Variants in MBIP observed in about 807,000 individuals in gnomAD.
MBIP encodes MAP3K12-binding inhibitory protein 1.
MBIP carries 32 observed loss-of-function variants against 45.7 expected under a neutral mutation model. The observed-to-expected ratio is 0.70, with a 90% CI of 0.53 to 0.94. The LOEUF (loss-of-function observed/expected upper bound fraction) is 0.94. MBIP is among the 40% of genes least tolerant of loss of function. The pLI is 0.00. For synonymous variants in MBIP, 145 were observed against 141.0 expected (o/e 1.03, Z -0.20); for missense variants, 381 against 405.5 (o/e 0.94, Z 0.52).
At position 36,298,859 on chromosome 14, in the gene MBIP, A is replaced by C. The variant is rs994841073; in HGVS notation, c.*224T>G. 5.3e-6 allele frequency: 2 copies of C among 378,260 alleles called. No homozygotes were observed. Among genetic ancestry groups the C allele is most frequent in the Non-Finnish European group, 9.5e-6 (2 of 210,676 alleles). 23.4% of individuals were successfully genotyped at this position (378,260 alleles called of 1,614,324 possible). A position where few individuals can be genotyped will look rare whatever the true frequency, so the allele number is the denominator to read the frequency against. ...CAATTTCCAAAATACCTCCTTTAAA[A>C]CAGAAGGGAATAAATTCCAACAATG... On this transcript the variant is annotated 3_prime_UTR_variant, in exon 9 of 9. Coordinates refer to ENST00000416007, the MANE Select transcript of MBIP (RefSeq NM_016586.3).
intron 7 of MBIP, among the ~76,000 whole-genome samples, chr14:36,307,551 A>G (rs551897645): frequency 1.3e-5 from 2 of 152,342 alleles, no homozygotes; most frequent in South Asian, 4.1e-4. Context: ...ACTGTTTCTT[A>G]AGGTTCTTGG....
intron 6 of MBIP, 103 bp from the exon 7 acceptor site, chr14:36,308,292 G>A: frequency 1.6e-6 from 1 of 623,190 alleles, no homozygotes; most frequent in Non-Finnish European, 2.8e-6. Context: ...CAAAGGAATG[G>A]AAAATACTTA....
At chr14:36,318,529 T>C (rs1880706485) in intron 1 of MBIP, among the ~76,000 whole-genome samples, 1 of 151,994 alleles carries the variant, frequency 6.6e-6, no homozygotes, top group African/African-American at 2.4e-5. Context: ...AAAATCTCTA[T>C]TAGTCTGCTA....
intron 7 of MBIP, among the ~76,000 whole-genome samples, chr14:36,301,997 T>C (rs1443155117): frequency 6.6e-6 from 1 of 152,240 alleles, no homozygotes; most frequent in Non-Finnish European, 1.5e-5. Flanking sequence ...CTTATCAAGT[T>C]ACAATAAATG....
At chr14:36,316,584 T>C (rs897869027) in intron 2 of MBIP, 109 bp downstream of exon 2, 1 of 976,722 alleles carries the variant, frequency 1.0e-6, no homozygotes, top group Non-Finnish European at 1.5e-6. Flanking sequence ...AACGTTTTAT[T>C]AGCAACACTA....
At chr14:36,301,399 G>A (rs142603721) in intron 7 of MBIP, among the ~76,000 whole-genome samples, 1 of 152,316 alleles carries the variant, frequency 6.6e-6, no homozygotes, top group East Asian at 1.9e-4. Context: ...TCTGGCCAAT[G>A]AGTAAAGGAG....
rs1296747481 is a variant in MBIP, at chr14:36,314,550, T to C, written c.533A>G (p.Asn178Ser). The C allele has an allele frequency of 1.9e-6, 3 of 1,610,516 alleles. No homozygotes were observed. Among genetic ancestry groups the C allele is most frequent in the Non-Finnish European group, 2.5e-6 (3 of 1,178,824 alleles). The change falls in exon 4 of 9, where the codon AAC becomes AGC. Residue 178 changes from asparagine to serine, a missense_variant. Asn to Ser is a conservative substitution (Grantham distance 46). Coordinates refer to ENST00000416007, the MANE Select transcript of MBIP (RefSeq NM_016586.3). ...ERKQAEINEN[N>S]VREFCNVIDC... ...AATAACATTGCAAAATTCCCTGACG[T>C]TGTTTTCATTGATTTCAGCTTGCTT...
chr14:36,300,596 C>G (rs970887596), intron 8 of MBIP, among the ~76,000 whole-genome samples, 189 bp downstream of exon 8: 5 of 152,190 alleles, frequency 3.3e-5, no homozygotes, highest in African/African-American at 9.6e-5. Flanking sequence ...TTTAACCTAT[C>G]TGAGTCATTC....
At chr14:36,303,047 T>C (rs1879667524) in intron 7 of MBIP, among the ~76,000 whole-genome samples, 2 of 152,214 alleles carry the variant, frequency 1.3e-5, no homozygotes, top group Non-Finnish European at 2.9e-5. Context: ...GCCAAGGGAC[T>C]TTCCTCAACT....
chr14:36,315,562 T>G (rs1411631653), intron 2 of MBIP, among the ~76,000 whole-genome samples: 1 of 151,904 alleles, frequency 6.6e-6, no homozygotes, highest in African/African-American at 2.4e-5. Flanking sequence ...AAAAAAAAGA[T>G]CTATAGCTGA....
At chr14:36,309,346 T>C (rs1487027373) in intron 6 of MBIP, among the ~76,000 whole-genome samples, 1 of 152,186 alleles carries the variant, frequency 6.6e-6, no homozygotes, top group Non-Finnish European at 1.5e-5. Flanking sequence ...CCCATTCTAA[T>C]ATAAGCTCCA....
intron 1 of MBIP, 24 bp from the exon 2 acceptor site, chr14:36,316,836 ATCACAAAAATTAC>A: frequency 6.3e-7 from 1 of 1,587,274 alleles, no homozygotes; most frequent in Non-Finnish European, 8.6e-7. Context: ...AACCAGCAAC[ATCACAAAAATTAC>A]ACGATTAAGC....
chr14:36,320,241 G>T (rs1285447766), intron 1 of MBIP, among the ~76,000 whole-genome samples: 1 of 152,044 alleles, frequency 6.6e-6, no homozygotes, highest in Non-Finnish European at 1.5e-5. Context: ...ACCCACTCTT[G>T]GGGAGGACAG....
rs532077440 is a variant in MBIP, at chr14:36,311,657, G to C, written c.706C>G (p.Pro236Ala). Residue 236 changes from proline (P) to alanine (A), a missense_variant, in exon 6 of 9, where the codon CCT becomes GCT. Pro to Ala is a conservative substitution (Grantham distance 27). Coordinates refer to ENST00000416007, the MANE Select transcript of MBIP (RefSeq NM_016586.3). ...CCACAGTCTCGAAGCATGCTGTTAG[G>C]TTTATGACCTGACCCTGGAATTCCT... ...PEGIPGSGHK[P>A]NSMLRDCGNQ... 1 of 1,613,418 alleles carries C rather than the reference G, an allele frequency of 6.2e-7. No individual in the cohort carries two copies. Among genetic ancestry groups the C allele is most frequent in the Non-Finnish European group, 8.5e-7 (1 of 1,179,502 alleles).
chr14:36,303,920 C>T (rs1879723200), intron 7 of MBIP, among the ~76,000 whole-genome samples: 1 of 151,132 alleles, frequency 6.6e-6, no homozygotes, highest in South Asian at 2.1e-4. Context: ...GTTTCCTTGA[C>T]TCCAATTTCT....
Position 36,299,023 on chromosome 14 carries a change from A to C in MBIP, c.*60T>G. The C allele has an allele frequency of 8.7e-7, 1 of 1,155,872 alleles. No individual in the cohort carries two copies. The allele number at this position is 1,155,872 out of a possible 1,614,324, so 71.6% of individuals were successfully genotyped here. ...TAAATATATATCCGTTGAATTAATAACAGTGTAAGTTACACATATGTATAC... is the reference window on the plus strand; with the variant it reads ...TAAATATATATCCGTTGAATTAATACCAGTGTAAGTTACACATATGTATAC... On this transcript the variant is annotated 3_prime_UTR_variant, in exon 9 of 9. Transcript: ENST00000416007.
chr14:36,305,778 T>A (rs556874320), intron 7 of MBIP, among the ~76,000 whole-genome samples: 6 of 152,308 alleles, frequency 3.9e-5, no homozygotes, highest in Non-Finnish European at 8.8e-5. Flanking sequence ...TCTCTCTAGA[T>A]TTTCTTATTT....
intron 7 of MBIP, among the ~76,000 whole-genome samples, chr14:36,305,816 C>A (rs1484633075): frequency 6.6e-6 from 1 of 152,172 alleles, no homozygotes; most frequent in African/African-American, 2.4e-5. Context: ...ATTTTTCCAA[C>A]CAGAAACTGG....
At position 36,320,486 on chromosome 14, in the gene MBIP, G is replaced by A; in HGVS notation, c.103C>T (p.Arg35Cys). The A allele has an allele frequency of 6.2e-7, 1 of 1,614,084 alleles. No individual in the cohort carries two copies. Among genetic ancestry groups the A allele is most frequent in the Non-Finnish European group, 8.5e-7 (1 of 1,180,008 alleles). The part of the protein sequence containing the change: ...LSREVLYEIF[R>C]SLHTLVGQLD... ...TGTCCAACCAGGGTGTGTAGGGAGC[G>A]AAAGATTTCGTAGAGCACCTCTCGG... The change falls in exon 1 of 9, where the codon CGC (arginine) becomes TGC (cysteine). Residue 35 changes from arginine (R) to cysteine (C), a missense_variant. Transcript: ENST00000416007.
Sources: allele counts gnomAD v4.1 joint callset (sites outside exome capture counted in the v4.1 genomes callset), GRCh38; gene constraint gnomAD v4.1.1; transcripts MANE v1.5; gene names NCBI Gene and HGNC (gene_info 2026-07-23, HGNC 2026-07-21).